Variants in PHKB observed in about 807,000 individuals in gnomAD.
PHKB encodes phosphorylase kinase regulatory subunit beta, also known as phosphorylase b kinase regulatory subunit beta.
A neutral mutation model predicts 152.1 loss-of-function variants in PHKB; 122 were observed. The observed-to-expected ratio is 0.80, with a 90% CI of 0.69 to 0.93. The LOEUF is 0.93. Ranked by LOEUF, PHKB falls within the 40% of genes least tolerant of loss-of-function variation. The probability of loss-of-function intolerance (pLI) is 0.00; values close to 1 mark genes in which losing one functional copy is unlikely to be tolerated. For missense variants in PHKB, 1,304 were observed against 1,328.4 expected (o/e 0.98, Z 0.29); for synonymous variants, 436 against 464.9 (o/e 0.94, Z 0.80).
intron 26 of PHKB, among the ~76,000 whole-genome samples, chr16:47,671,720 A>T (rs1312157065): frequency 6.6e-6 from 1 of 152,204 alleles, no homozygotes. Flanking sequence ...CACAAGTACC[A>T]TAAAGATATA....
Position 47,696,460 on chromosome 16 carries a change from AG to A in PHKB, c.2976del (p.Gln992HisfsTer9). 1.3e-6 allele frequency: 2 copies of A among 1,599,970 alleles called. No individual in the cohort carries two copies. Among genetic ancestry groups the A allele is most frequent in the Middle Eastern group, 1.7e-4 (1 of 6,048 alleles). ...GAAGACACGTTGGGAAATATTGACC[AG>A]CCACAGTACAGACAGATCGTTGTAG... ...LVEDTLGNIDQPQYRQIVVEL... is the reference protein window; with the variant it reads ...LVEDTLGNIDXPQYRQIVVEL... On this transcript the variant is annotated frameshift_variant, in exon 29 of 31. Transcript: ENST00000323584. LOFTEE classifies it high-confidence loss of function.
At chr16:47,502,267 A>C (rs529513304) in intron 3 of PHKB, among the ~76,000 whole-genome samples, 2 of 152,264 alleles carry the variant, frequency 1.3e-5, no homozygotes, top group South Asian at 4.2e-4. Flanking sequence ...CTGATTTATA[A>C]TAAAAAGCAA....
At chr16:47,477,398 C>T (rs756584637) in intron 1 of PHKB, among the ~76,000 whole-genome samples, 84 of 152,028 alleles carry the variant, frequency 5.5e-4, no homozygotes, top group Non-Finnish European at 9.4e-4. Context: ...TAATCATGTT[C>T]GAAGATTAGT....
intron 13 of PHKB, among the ~76,000 whole-genome samples, chr16:47,601,876 G>T (rs79012323): frequency 6.6e-6 from 1 of 152,218 alleles, no homozygotes; most frequent in Non-Finnish European, 1.5e-5. Context: ...TTTAAGGCAG[G>T]TGAATACAAT....
intron 28 of PHKB, among the ~76,000 whole-genome samples, chr16:47,695,340 C>T (rs993597892): frequency 6.6e-6 from 1 of 152,192 alleles, no homozygotes; most frequent in Non-Finnish European, 1.5e-5. Context: ...CCGTTAAGCC[C>T]ATTGCTAGAG....
Position 47,463,912 on chromosome 16 carries a change from G to A in PHKB, c.76+2486G>A, listed in dbSNP as rs370179176. The stretch of plus-strand genomic sequence containing the variant: ...AAATTGCTATAGCTTAGCCTGCGAC[G>A]CTTATGATTAGAGCCAACAATTTGA... On this transcript the variant is annotated intron_variant, in intron 1 of 30. Transcript: ENST00000323584. 3.1e-5 allele frequency: 50 copies of A among 1,613,608 alleles called. No individual in the cohort carries two copies. The African/African-American group carries it at 4.5e-4, about 15-fold the overall frequency.
intron 7 of PHKB, among the ~76,000 whole-genome samples, chr16:47,578,387 C>T (rs982909402): frequency 2.0e-5 from 3 of 151,810 alleles, no homozygotes; most frequent in Non-Finnish European, 2.9e-5. Flanking sequence ...TTTTGATTGA[C>T]GTATAGGTAT....
intron 20 of PHKB, among the ~76,000 whole-genome samples, chr16:47,654,965 TAAAGA>T (rs998137629): frequency 1.4e-4 from 21 of 151,100 alleles, no homozygotes; most frequent in Admixed American, 8.6e-4. Flanking sequence ...AAAAAATAAA[TAAAGA>T]AAAGAAAAAA....
At chr16:47,521,881 G>A (rs1401653073) in intron 6 of PHKB, among the ~76,000 whole-genome samples, 1 of 151,502 alleles carries the variant, frequency 6.6e-6, no homozygotes, top group African/African-American at 2.4e-5. Flanking sequence ...TTCTTATTTT[G>A]AACCCATCTA....
intron 1 of PHKB, among the ~76,000 whole-genome samples, chr16:47,467,017 T>C (rs1969681305): frequency 6.6e-6 from 1 of 152,186 alleles, no homozygotes. Flanking sequence ...GCTTCTTGCT[T>C]TGTAAAAATG....
At chr16:47,476,756 C>T (rs924741327) in intron 1 of PHKB, among the ~76,000 whole-genome samples, 19 of 151,986 alleles carry the variant, frequency 1.3e-4, no homozygotes, top group African/African-American at 4.6e-4. Flanking sequence ...TTGTTTTGAC[C>T]CAAACTAGAC....
chr16:47,672,388 C>G (rs1973652212), intron 26 of PHKB, among the ~76,000 whole-genome samples: 1 of 152,144 alleles, frequency 6.6e-6, no homozygotes, highest in Admixed American at 6.5e-5. Flanking sequence ...TTCATGTGAG[C>G]TAACTCCAAA....
chr16:47,487,429 AT>A lies in PHKB; in HGVS notation c.77-9960del, dbSNP rs71679342. 7.6e-3 allele frequency among the ~76,000 whole-genome samples: 541 copies of A among 71,524 alleles called. 3 individuals carry two copies. The highest frequency in any genetic ancestry group is 0.014 in the African/African-American group (362 of 26,002). The allele number at this position is 71,524 out of a possible 152,430, so 46.9% of individuals were successfully genotyped here. A position where few individuals can be genotyped will look rare whatever the true frequency, so the allele number is the denominator to read the frequency against. On this transcript the variant is annotated intron_variant, in intron 1 of 30. Transcript: ENST00000323584. The stretch of plus-strand genomic sequence containing the variant: ...TACAAGAGTTTATATATATATATAT[AT>A]TTTTTTTTTCTTTCCACCTTTTATT...
intron 6 of PHKB, among the ~76,000 whole-genome samples, 181 bp from the exon 7 acceptor site, chr16:47,547,252 T>A (rs1179585737): frequency 1.3e-5 from 2 of 152,040 alleles, no homozygotes; most frequent in African/African-American, 4.8e-5. Context: ...GACCCCTAAT[T>A]TTTGTATTTT....
chr16:47,582,604 T>C (rs1418229377), intron 8 of PHKB, among the ~76,000 whole-genome samples: 1 of 152,120 alleles, frequency 6.6e-6, no homozygotes, highest in Admixed American at 6.5e-5. Flanking sequence ...GGCCTTGGCA[T>C]TGAGATTTTT....
In PHKB at chr16:47,507,604, C is replaced by T. The variant is rs11864400; in HGVS notation, c.406-4061C>T. On this transcript the variant is annotated intron_variant, in intron 4 of 30. Transcript: ENST00000323584. ...AACTCCTGGGCTCAAGCAATCCTTC[C>T]ACCTCAGCCTCCCAAAGTGCTAGGA... Among the ~76,000 whole-genome samples the T allele has an allele frequency of 7.5e-3, 1,139 of 152,174 alleles. 18 individuals are homozygous for T. The highest frequency in any genetic ancestry group is 0.026 in the African/African-American group (1,079 of 41,494).
At chr16:47,496,131 A>G (rs748654894) in intron 1 of PHKB, among the ~76,000 whole-genome samples, 33 of 151,928 alleles carry the variant, frequency 2.2e-4, no homozygotes, top group Admixed American at 1.4e-3. Flanking sequence ...TGCCAATGTG[A>G]TTTCTGCCAC....
chr16:47,634,238 A>T (rs1972877185), intron 14 of PHKB, among the ~76,000 whole-genome samples: 1 of 152,230 alleles, frequency 6.6e-6, no homozygotes. Context: ...TATAAATATC[A>T]TTGTGTAACA....
At position 47,513,655 on chromosome 16, in the gene PHKB, C is replaced by T. The variant is rs1597045611; in HGVS notation, c.514-1866C>T. Among the ~76,000 whole-genome samples, 3 of 152,290 alleles carry T rather than the reference C, an allele frequency of 2.0e-5. No homozygotes were observed. In the South Asian group the frequency reaches 6.2e-4, roughly 32 times the overall value. On this transcript the variant is annotated intron_variant, in intron 5 of 30. Coordinates refer to ENST00000323584, the MANE Select transcript of PHKB (RefSeq NM_000293.3). Reference sequence around the variant, plus strand: ...CTGCCCCAATTTCCCATCTATTACTCAGTTGGGCTGGAGGAGAGTCATGGG... The same window carrying T: ...CTGCCCCAATTTCCCATCTATTACTTAGTTGGGCTGGAGGAGAGTCATGGG...
Sources: allele counts gnomAD v4.1 joint callset (sites outside exome capture counted in the v4.1 genomes callset), GRCh38; gene constraint gnomAD v4.1.1; transcripts MANE v1.5; gene names NCBI Gene and HGNC (gene_info 2026-07-23, HGNC 2026-07-21).